EFTUD2: variants seen among roughly 807,000 people sequenced by gnomAD.
The protein encoded by EFTUD2 is elongation factor Tu GTP binding domain containing 2, also known as 116 kDa U5 small nuclear ribonucleoprotein component.
A neutral mutation model predicts 114.3 loss-of-function variants in EFTUD2; 9 were observed. The observed-to-expected ratio is 0.08, with a 90% CI of 0.05 to 0.14. The LOEUF (loss-of-function observed/expected upper bound fraction) is 0.14, where lower values mean the gene tolerates loss of function less well. Among genes scored for constraint, EFTUD2 ranks in the 10% least tolerant of loss-of-function variants. The pLI is 1.00. For synonymous variants in EFTUD2, 449 were observed against 462.3 expected, an observed-to-expected ratio of 0.97 and a Z score of 0.37; for missense variants, 765 against 1,241.2, an observed-to-expected ratio of 0.62 and a Z score of 5.76.
intron 13 of EFTUD2, among the ~76,000 whole-genome samples, chr17:44,865,661 C>A (rs1010521628): frequency 6.6e-6 from 1 of 152,194 alleles, no homozygotes; most frequent in African/African-American, 2.4e-5. Flanking sequence ...GGAATGGCCA[C>A]ACACATTTTG....
intron 16 of EFTUD2, among the ~76,000 whole-genome samples, chr17:44,861,869 TTTAAC>T (rs2050667205): frequency 6.6e-6 from 1 of 152,170 alleles, no homozygotes; most frequent in Non-Finnish European, 1.5e-5. Flanking sequence ...AATGCTTTGG[TTTAAC>T]TTGTCAACTG....
In EFTUD2 at chr17:44,863,791, G is replaced by A. The variant is rs780057940; in HGVS notation, c.1286-9C>T. ...ACACATGTCCACAAAGCCTGTGGAT[G>A]GAGAAGAGAAAGCCATTAATACATG... On this transcript the variant is annotated splice_polypyrimidine_tract_variant and intron_variant, in intron 14 of 27. Transcript: ENST00000426333. 1.2e-6 allele frequency: 2 copies of A among 1,613,400 alleles called. No individual in the cohort carries two copies. The highest frequency in any genetic ancestry group is 4.5e-5 in the East Asian group (2 of 44,872).
chr17:44,869,987 G>A (rs2050818014), intron 11 of EFTUD2, among the ~76,000 whole-genome samples: 2 of 152,362 alleles, frequency 1.3e-5, no homozygotes, highest in Non-Finnish European at 1.5e-5. Flanking sequence ...GTAGTAAGGT[G>A]TAAATGGATT....
intron 9 of EFTUD2, among the ~76,000 whole-genome samples, chr17:44,877,640 T>C (rs2050989786): frequency 6.6e-6 from 1 of 151,708 alleles, no homozygotes; most frequent in South Asian, 2.1e-4. Context: ...ACCCCATTTC[T>C]ACAAAAAATT....
chr17:44,884,389 T>C (rs1180720101), intron 4 of EFTUD2: 6 of 151,996 alleles, frequency 3.9e-5, no homozygotes, highest in Admixed American at 3.3e-4. Context: ...CGTGGTGACA[T>C]GCGCCTGTAA....
In EFTUD2 at chr17:44,850,412, C is replaced by T. The variant is rs374995373; in HGVS notation, c.*862G>A. On this transcript the variant is annotated 3_prime_UTR_variant, in exon 28 of 28. Transcript: ENST00000426333. Reference sequence around the variant, plus strand: ...AGAGAAGTAGGACTCCTATAGGAGCCGGGGCTGTCCAACTCCCCTAACTCA... The same window carrying T: ...AGAGAAGTAGGACTCCTATAGGAGCTGGGGCTGTCCAACTCCCCTAACTCA... 4 of 1,600,554 alleles carry T rather than the reference C, an allele frequency of 2.5e-6. No individual in the cohort carries two copies. Among genetic ancestry groups the T allele is most frequent in the African/African-American group, 1.3e-5 (1 of 74,838 alleles).
In EFTUD2 at chr17:44,860,471, C is replaced by G; in HGVS notation, c.1680G>C (p.Val560=). ...VLIEGVDQPI[V]KTATITEPRG... Reference sequence around the variant, plus strand: ...GGGGTTCGGTTATGGTTGCTGTCTTCACAATTGGTTGATCAACACCTTCAA... The same window carrying G: ...GGGGTTCGGTTATGGTTGCTGTCTTGACAATTGGTTGATCAACACCTTCAA... Residue 560 remains valine (V), a synonymous_variant, in exon 17 of 28, where the codon GTG becomes GTC. Coordinates refer to ENST00000426333, the MANE Select transcript of EFTUD2 (RefSeq NM_004247.4). The G allele has an allele frequency of 6.2e-7, 1 of 1,614,098 alleles. No individual in the cohort carries two copies. Among genetic ancestry groups the G allele is most frequent in the Non-Finnish European group, 8.5e-7 (1 of 1,180,000 alleles).
rs925633115 is a variant in EFTUD2, at chr17:44,883,117, T to G, written c.468A>C (p.Glu156Asp). 1 of 1,614,014 alleles carries G rather than the reference T, an allele frequency of 6.2e-7. No homozygotes were observed. The highest frequency in any genetic ancestry group is 8.5e-7 in the Non-Finnish European group (1 of 1,180,036). ...CATCTTGGTCATAGCGCTTTCTGAT[T>G]TCCGGGTGAGTCTGTTCAATTAAAC... ...VDCLIEQTHP[E>D]IRKRYDQDLC... is the part of the protein sequence containing the mutation. The change falls in exon 6 of 28, where the codon GAA becomes GAC. Residue 156 changes from glutamate (E) to aspartate (D), a missense_variant. Transcript: ENST00000426333.
chr17:44,891,906 G>C (rs57527151), intron 2 of EFTUD2: 1 of 151,778 alleles, frequency 6.6e-6, no homozygotes, highest in Non-Finnish European at 1.5e-5. Flanking sequence ...TTACAGGCGC[G>C]CACCAGCACA....
chr17:44,890,569 G>A (rs2051261564), intron 2 of EFTUD2, among the ~76,000 whole-genome samples: 1 of 151,890 alleles, frequency 6.6e-6, no homozygotes, highest in Admixed American at 6.6e-5. Context: ...GCACATGCCT[G>A]TAATCCCAGC....
intron 2 of EFTUD2, among the ~76,000 whole-genome samples, chr17:44,888,073 G>A (rs2051208388): frequency 6.6e-6 from 1 of 152,200 alleles, no homozygotes; most frequent in South Asian, 2.1e-4. Flanking sequence ...ACAGGTACCT[G>A]GGGAAGAGCA....
In EFTUD2 at chr17:44,876,105, G is replaced by C. The variant is rs1485509416; in HGVS notation, c.703-5C>G. 5.0e-6 allele frequency: 8 copies of C among 1,607,780 alleles called. No individual in the cohort carries two copies. The Admixed American group carries it at 1.3e-4, about 27-fold the overall frequency. On this transcript the variant is annotated splice_polypyrimidine_tract_variant and splice_region_variant and intron_variant, in intron 9 of 27. Coordinates refer to ENST00000426333, the MANE Select transcript of EFTUD2 (RefSeq NM_004247.4). ...CCGCTCTGTGTTCAGCATCACCTGA[G>C]AAAAACAAGGCTCAGAAGGTGGTAA...
In EFTUD2 at chr17:44,888,639, T is replaced by C. The variant is rs192790945; in HGVS notation, c.106-1889A>G. ...CTGAATTCTGGATACATTACAAAGG[T>C]AGAGTCAAAACTGTTTTCTAATGAA... On this transcript the variant is annotated intron_variant, in intron 2 of 27. Coordinates refer to ENST00000426333, the MANE Select transcript of EFTUD2 (RefSeq NM_004247.4). 2.1e-4 allele frequency among the ~76,000 whole-genome samples: 32 copies of C among 152,216 alleles called. No homozygotes were observed. In the East Asian group the frequency reaches 6.2e-3, roughly 29 times the overall value.
Position 44,860,017 on chromosome 17 carries a change from T to C in EFTUD2, c.1748A>G (p.Asn583Ser), listed in dbSNP as rs769196971. 6.2e-6 allele frequency: 10 copies of C among 1,614,046 alleles called. No individual in the cohort carries two copies. The highest frequency in any genetic ancestry group is 1.7e-5 in the Admixed American group (1 of 59,974). ...AGCAATCTTGATAACAGATGTGGTA[T>C]TGAACTTCAAGGGTCGGAAAATCTG... ...EAQIFRPLKF[N>S]TTSVIKIAVE... Residue 583 changes from asparagine (N) to serine (S), a missense_variant, in exon 18 of 28, where the codon AAT becomes AGT. Asn to Ser is a conservative substitution (Grantham distance 46). This residue lies in a region of EFTUD2 where 149 missense variants were observed against 245.1 expected (regional missense o/e 0.61). Transcript: ENST00000426333.
rs183211282 is a variant in EFTUD2, at chr17:44,854,889, C to T, written c.2132+29G>A. 4.0e-5 allele frequency: 65 copies of T among 1,609,618 alleles called. 1 individual carries two copies. The East Asian group carries it at 1.0e-3, about 25-fold the overall frequency. On this transcript the variant is annotated intron_variant, in intron 21 of 27. Coordinates refer to ENST00000426333, the MANE Select transcript of EFTUD2 (RefSeq NM_004247.4). The surrounding 1 kb of genome is among the most constrained non-coding windows in gnomAD (Gnocchi z 4.3). ...AAACTGTGGCATCCCTGCCTCCTTT[C>T]GACCCTGGCGTCAGAGCCCTGTTCT... is the stretch of plus-strand genomic sequence containing the variant.
chr17:44,875,707 TAAA>T (rs2050935413), intron 10 of EFTUD2: 1 of 397,380 alleles, frequency 2.5e-6, no homozygotes, highest in Admixed American at 3.8e-5. Flanking sequence ...ATCCTATCTC[TAAA>T]AAGAGAAGAA....
At position 44,885,243 on chromosome 17, in the gene EFTUD2, C is replaced by T. The variant is rs374220796; in HGVS notation, c.350+13G>A. 2.5e-6 allele frequency: 4 copies of T among 1,607,402 alleles called. No homozygotes were observed. Among genetic ancestry groups the T allele is most frequent in the African/African-American group, 2.7e-5 (2 of 74,704 alleles). ...GCATTCCTGCAGAGAAGCTGAGAAA[C>T]CTTGTAACTTACTCCATCTCATACA... is the stretch of plus-strand genomic sequence containing the variant. On this transcript the variant is annotated intron_variant, in intron 4 of 27. Transcript: ENST00000426333.
At chr17:44,861,337 T>G (rs1211383148) in intron 16 of EFTUD2, among the ~76,000 whole-genome samples, 2 of 149,636 alleles carry the variant, frequency 1.3e-5, no homozygotes, top group African/African-American at 4.9e-5. Context: ...CCTGGCTACT[T>G]GGGAGGCTGA....
At chr17:44,868,189 A>T in intron 12 of EFTUD2, 98 bp downstream of exon 12, 1 of 1,111,926 alleles carries the variant, frequency 9.0e-7, no homozygotes, top group Non-Finnish European at 1.3e-6. Context: ...AAAAAAAAAA[A>T]GTAGGTATTT....
Sources: allele counts gnomAD v4.1 joint callset (sites outside exome capture counted in the v4.1 genomes callset), GRCh38; gene constraint gnomAD v4.1.1; regional missense constraint gnomAD v4.1.1; non-coding constraint Gnocchi (gnomAD v3.1); transcripts MANE v1.5; gene names NCBI Gene and HGNC (gene_info 2026-07-23, HGNC 2026-07-21).